Variants in TVP23A observed in about 807,000 individuals in gnomAD.
The protein encoded by TVP23A is trans-golgi network vesicle protein 23 homolog A.
TVP23A carries 21 observed loss-of-function variants against 31.7 expected under a neutral mutation model. That is an observed-to-expected ratio of 0.66 (90% CI 0.47 to 0.95). The LOEUF (loss-of-function observed/expected upper bound fraction) is 0.95, where lower values mean the gene tolerates loss of function less well. Among genes scored for constraint, TVP23A ranks in the 40% least tolerant of loss-of-function variants. The pLI is 0.00. For synonymous variants in TVP23A, 104 were observed against 96.0 expected (o/e 1.08, Z -0.49); for missense variants, 279 against 255.6 (o/e 1.09, Z -0.62).
chr16:10,794,004 G>C (rs570904183), intron 2 of TVP23A, among the ~76,000 whole-genome samples: 1 of 151,826 alleles, frequency 6.6e-6, no homozygotes, highest in Admixed American at 6.6e-5. Context: ...TCTGGTGAGG[G>C]TCCGGTCTCT....
intron 2 of TVP23A, among the ~76,000 whole-genome samples, chr16:10,788,587 G>T (rs2032908688): frequency 6.6e-6 from 1 of 152,208 alleles, no homozygotes; most frequent in South Asian, 2.1e-4. Context: ...GTTCATAAAG[G>T]TGGGAGCCAG....
At position 10,818,143 on chromosome 16, in the gene TVP23A, C is replaced by T; in HGVS notation, c.49G>A (p.Gly17Arg). Residue 17 changes from glycine to arginine, a missense_variant, in exon 2 of 8, where the codon GGA (glycine) becomes AGA (arginine). Transcript: ENST00000299866. The surrounding 1 kb of genome is among the most constrained non-coding windows in gnomAD (Gnocchi z 4.7). ...CTAAAGGCCAGCTCCTCCTCGTTTC[C>T]AAAGTCCAGGGACACATCCTCGGTA... ...DDTEDVSLDF[G>R]NEEELAFRKA... 6.2e-7 allele frequency: 1 copy of T among 1,609,178 alleles called. No homozygotes were observed. Among genetic ancestry groups the T allele is most frequent in the Non-Finnish European group, 8.5e-7 (1 of 1,177,954 alleles).
chr16:10,818,504 G>T lies in TVP23A; in HGVS notation c.-11C>A. The T allele has an allele frequency of 6.2e-7, 1 of 1,603,560 alleles. No individual in the cohort carries two copies. The highest frequency in any genetic ancestry group is 8.5e-7 in the Non-Finnish European group (1 of 1,178,522). On this transcript the variant is annotated 5_prime_UTR_variant, in exon 1 of 8. The change creates a new upstream start codon in the 5' untranslated region. Coordinates refer to ENST00000299866, the MANE Select transcript of TVP23A (RefSeq NM_001079512.4). This position sits in a 1 kb window ranked among gnomAD's most constrained non-coding sequence, Gnocchi z 4.7. ...CCCTACCTGCTTCATCACCCTCCCA[G>T]GAGCCCACCTGGCGCCCAGGCCCGG... is the stretch of plus-strand genomic sequence containing the variant.
intron 2 of TVP23A, among the ~76,000 whole-genome samples, chr16:10,816,228 CAA>C (rs760801777): frequency 0.04 from 2,913 of 73,692 alleles, 119 homozygotes; most frequent in African/African-American, 0.1. Context: ...AACCCTATCT[CAA>C]AAAAAAAAAA....
Position 10,766,986 on chromosome 16 carries a change from C to T in TVP23A, c.*2116G>A, listed in dbSNP as rs965069702. On this transcript the variant is annotated 3_prime_UTR_variant, in exon 8 of 8. Transcript: ENST00000299866. This position sits in a 1 kb window ranked among gnomAD's most constrained non-coding sequence, Gnocchi z 4.8. ...GGCTCCCCATCTCCCACCAACCCCTCCCCACAGGCTTCTTCCCCGACTTGG... is the reference window on the plus strand; with the variant it reads ...GGCTCCCCATCTCCCACCAACCCCTTCCCACAGGCTTCTTCCCCGACTTGG... 2.5e-6 allele frequency: 1 copy of T among 398,702 alleles called. No individual in the cohort carries two copies. The highest frequency in any genetic ancestry group is 2.1e-5 in the African/African-American group (1 of 48,624). The allele number at this position is 398,702 out of a possible 1,614,324, so 24.7% of individuals were successfully genotyped here. A position where few individuals can be genotyped will look rare whatever the true frequency, so the allele number is the denominator to read the frequency against.
At chr16:10,807,451 A>G (rs1364811667) in intron 2 of TVP23A, among the ~76,000 whole-genome samples, 2 of 152,162 alleles carry the variant, frequency 1.3e-5, no homozygotes, top group Non-Finnish European at 2.9e-5. Flanking sequence ...CCAGACAGAG[A>G]GGGGATAATC....
chr16:10,768,945 G>T lies in TVP23A; in HGVS notation c.*157C>A. ...AGGTCTTTTTATGGAACTAGCCAGAGGATTCCACCCCTGTCAAAACACAGC... is the reference window on the plus strand; with the variant it reads ...AGGTCTTTTTATGGAACTAGCCAGATGATTCCACCCCTGTCAAAACACAGC... On this transcript the variant is annotated 3_prime_UTR_variant, in exon 8 of 8. Transcript: ENST00000299866. The surrounding 1 kb of genome is among the most constrained non-coding windows in gnomAD (Gnocchi z 4.3). 1 of 1,012,710 alleles carries T rather than the reference G, an allele frequency of 9.9e-7. No homozygotes were observed. Among genetic ancestry groups the T allele is most frequent in the South Asian group, 1.4e-5 (1 of 72,720 alleles). The allele number at this position is 1,012,710 out of a possible 1,614,324, so 62.7% of individuals were successfully genotyped here.
At chr16:10,775,735 A>G (rs887029949) in intron 2 of TVP23A, among the ~76,000 whole-genome samples, 8 of 147,198 alleles carry the variant, frequency 5.4e-5, no homozygotes, top group African/African-American at 2.0e-4. Flanking sequence ...TCCTGTGTAA[A>G]TTGCTTTTCT....
chr16:10,786,880 T>C (rs985666987), intron 2 of TVP23A, among the ~76,000 whole-genome samples: 1 of 151,220 alleles, frequency 6.6e-6, no homozygotes, highest in Non-Finnish European at 1.5e-5. Flanking sequence ...CCTTTTGGGA[T>C]AAACCAAGCT....
At chr16:10,806,386 G>A (rs2033946426) in intron 2 of TVP23A, among the ~76,000 whole-genome samples, 2 of 152,166 alleles carry the variant, frequency 1.3e-5, no homozygotes, top group African/African-American at 4.8e-5. Context: ...GGTCCATGCA[G>A]TCAAGCTGCC....
At chr16:10,788,004 A>T (rs2032870075) in intron 2 of TVP23A, among the ~76,000 whole-genome samples, 1 of 152,178 alleles carries the variant, frequency 6.6e-6, no homozygotes, top group African/African-American at 2.4e-5. Context: ...CCCATGACAC[A>T]GCCCCATGGG....
chr16:10,816,385 G>A (rs763971987), intron 2 of TVP23A, among the ~76,000 whole-genome samples: 2 of 151,598 alleles, frequency 1.3e-5, no homozygotes, highest in Non-Finnish European at 2.9e-5. Flanking sequence ...CCAGACTGGA[G>A]TGTAGTGGTG....
chr16:10,807,918 G>A (rs955619102), intron 2 of TVP23A, among the ~76,000 whole-genome samples: 2 of 152,094 alleles, frequency 1.3e-5, no homozygotes, highest in African/African-American at 4.8e-5. Flanking sequence ...TTGCTATGTT[G>A]TCCAGGCTGG....
rs151217412 is a variant in TVP23A at position 10,791,424 on chromosome 16, C to T, written c.90-16328G>A. Among the ~76,000 whole-genome samples the T allele has an allele frequency of 1.1e-3, 167 of 152,226 alleles. 1 individual carries two copies. Among genetic ancestry groups the T allele is most frequent in the African/African-American group, 3.9e-3 (163 of 41,538 alleles). ...AGGTTTTCCTTTTAATGAAAATCAGCCCCCAAATTATTTTCTTTTCTAACA... is the reference window on the plus strand; with the variant it reads ...AGGTTTTCCTTTTAATGAAAATCAGTCCCCAAATTATTTTCTTTTCTAACA... On this transcript the variant is annotated intron_variant, in intron 2 of 7. Coordinates refer to ENST00000299866, the MANE Select transcript of TVP23A (RefSeq NM_001079512.4).
At chr16:10,790,279 A>ATTTTT (rs376916439) in intron 2 of TVP23A, among the ~76,000 whole-genome samples, 8 of 114,524 alleles carry the variant, frequency 7.0e-5, no homozygotes, top group Admixed American at 3.1e-4. Context: ...TTGGGGTAAA[A>ATTTTT]TTTTTTTTTT....
At chr16:10,786,270 A>G (rs2032746588) in intron 2 of TVP23A, among the ~76,000 whole-genome samples, 1 of 152,084 alleles carries the variant, frequency 6.6e-6, no homozygotes, top group East Asian at 1.9e-4. Context: ...TGATCTAACA[A>G]TGTCTTTAAA....
chr16:10,817,444 T>C (rs547091203), intron 2 of TVP23A, among the ~76,000 whole-genome samples: 134 of 152,306 alleles, frequency 8.8e-4, no homozygotes, highest in African/African-American at 3.2e-3. Flanking sequence ...GGCTGCCGCC[T>C]GGGCCATCGG....
At chr16:10,784,690 A>C (rs954834817) in intron 2 of TVP23A, among the ~76,000 whole-genome samples, 10 of 152,244 alleles carry the variant, frequency 6.6e-5, no homozygotes, top group African/African-American at 2.4e-4. Flanking sequence ...CAAGTGTAAC[A>C]CATATACCAC....
chr16:10,782,556 G>T (rs1320864031), intron 2 of TVP23A, among the ~76,000 whole-genome samples: 3 of 152,110 alleles, frequency 2.0e-5, no homozygotes, highest in African/African-American at 7.2e-5. Flanking sequence ...AGGCTGGAGT[G>T]CAGTGGTGTG....
Sources: allele counts gnomAD v4.1 joint callset (sites outside exome capture counted in the v4.1 genomes callset), GRCh38; gene constraint gnomAD v4.1.1; non-coding constraint Gnocchi (gnomAD v3.1); transcripts MANE v1.5; gene names NCBI Gene and HGNC (gene_info 2026-07-23, HGNC 2026-07-21).